The following IL17RA variants were observed in gnomAD, a reference collection of about 807,000 sequenced individuals.
The protein encoded by IL17RA is interleukin 17 receptor A.
In IL17RA, 34 loss-of-function variants were observed where a neutral mutation model predicts 50.4. The observed-to-expected ratio is 0.67, with a 90% CI of 0.51 to 0.90. IL17RA has a LOEUF of 0.90. IL17RA is among the 40% of genes least tolerant of loss of function. IL17RA has a pLI of 0.00. For synonymous variants in IL17RA, 585 were observed against 510.4 expected (o/e 1.15, Z -1.97); for missense variants, 1,276 against 1,169.8 (o/e 1.09, Z -1.32).
At chr22:17,105,714 C>G in intron 10 of IL17RA, 112 bp downstream of exon 10, 1 of 1,324,888 alleles carries the variant, frequency 7.5e-7, no homozygotes, top group South Asian at 1.2e-5. Flanking sequence ...CGAGGCCAGC[C>G]CGGGGTGGGG....
At position 17,108,571 on chromosome 22, in the gene IL17RA, C is replaced by T. The variant is rs770068978; in HGVS notation, c.1352C>T (p.Thr451Met). Reference sequence around the variant, plus strand: ...ATCATCGTCCTGTGCTCCCGCGGCACGCGCGCCAAGTGGCAGGCGCTCCTG... The same window carrying T: ...ATCATCGTCCTGTGCTCCCGCGGCATGCGCGCCAAGTGGCAGGCGCTCCTG... ...SKIIVLCSRG[T>M]RAKWQALLGR... The change falls in exon 13 of 13, where the codon ACG becomes ATG. Residue 451 changes from threonine to methionine, a missense_variant. Physicochemically the swap from Thr to Met is moderately conservative, Grantham distance 81 (BLOSUM62 -1). Transcript: ENST00000319363. 2.5e-6 allele frequency: 4 copies of T among 1,606,848 alleles called. No individual in the cohort carries two copies. In the South Asian group the frequency reaches 3.3e-5, roughly 13 times the overall value.
At chr22:17,098,229 A>G (rs1490778974) in intron 3 of IL17RA, among the ~76,000 whole-genome samples, 1 of 152,240 alleles carries the variant, frequency 6.6e-6, no homozygotes, top group Non-Finnish European at 1.5e-5. Context: ...TTTTGTGACT[A>G]CAGTACCAAA....
chr22:17,105,198 C>T (rs373036027), intron 9 of IL17RA, among the ~76,000 whole-genome samples: 1 of 152,180 alleles, frequency 6.6e-6, no homozygotes, highest in Non-Finnish European at 1.5e-5. Context: ...AGGATCCCCC[C>T]ACCCCAAACC....
At chr22:17,105,349 G>A (rs534617711) in intron 9 of IL17RA, among the ~76,000 whole-genome samples, 73 of 152,314 alleles carry the variant, frequency 4.8e-4, no homozygotes, top group African/African-American at 1.6e-3. Flanking sequence ...AAGGCAAGGC[G>A]CAGGCATGGA....
intron 11 of IL17RA, among the ~76,000 whole-genome samples, chr22:17,106,320 G>C (rs2061414615): frequency 6.6e-6 from 1 of 152,226 alleles, no homozygotes; most frequent in African/African-American, 2.4e-5. Context: ...CCTGGGGTCA[G>C]GGAGAATAGT....
chr22:17,100,372 C>T lies in IL17RA; in HGVS notation c.441C>T (p.Ser147=). Residue 147 remains serine (S), a synonymous_variant, in exon 5 of 13, where the codon AGC becomes AGT. Coordinates refer to ENST00000319363, the MANE Select transcript of IL17RA (RefSeq NM_014339.7). The part of the protein sequence containing the change: ...HHHRRWRFTF[S]HFVVDPDQEY... ...CTCTTCAGTGGCGTTTTACCTTCAG[C>T]CACTTTGTGGTTGACCCTGACCAGG... 2 of 1,614,128 alleles carry T rather than the reference C, an allele frequency of 1.2e-6. No individual in the cohort carries two copies. Among genetic ancestry groups the T allele is most frequent in the Non-Finnish European group, 1.7e-6 (2 of 1,180,012 alleles).
intron 2 of IL17RA, 95 bp downstream of exon 2, chr22:17,097,181 A>G (rs2061371415): frequency 9.0e-6 from 11 of 1,223,072 alleles, no homozygotes; most frequent in Non-Finnish European, 1.3e-5. Context: ...ATGCCACTCC[A>G]GGTTCAGGCT....
At chr22:17,096,566 T>C (rs1850034011) in intron 1 of IL17RA, among the ~76,000 whole-genome samples, 1 of 152,100 alleles carries the variant, frequency 6.6e-6, no homozygotes, top group African/African-American at 2.4e-5. Flanking sequence ...CTCATAGCAG[T>C]TCCTCATAAA....
chr22:17,108,910 G>T lies in IL17RA; in HGVS notation c.1691G>T (p.Gly564Val). Residue 564 changes from glycine (G) to valine (V), a missense_variant, in exon 13 of 13, where the codon GGC becomes GTC. Gly to Val is a moderately radical substitution (Grantham distance 109). Transcript: ENST00000319363. ...SGDNYLRSPG[G>V]RQLRAALDRF... is the part of the protein sequence containing the mutation. ...GACAACTACCTGCGGAGCCCGGGCG[G>T]CAGGCAGCTCCGCGCCGCCCTGGAC... The T allele has an allele frequency of 6.2e-7, 1 of 1,611,104 alleles. No homozygotes were observed. Among genetic ancestry groups the T allele is most frequent in the Non-Finnish European group, 8.5e-7 (1 of 1,179,228 alleles).
chr22:17,087,092 C>T (rs2061330868), intron 1 of IL17RA, among the ~76,000 whole-genome samples: 1 of 152,218 alleles, frequency 6.6e-6, no homozygotes, highest in Admixed American at 6.5e-5. Context: ...ACCTGCCTCA[C>T]AGACAGCTCT....
In IL17RA at chr22:17,109,077, C is replaced by T. The variant is rs772665587; in HGVS notation, c.1858C>T (p.Arg620Trp). ...LLPPGTGIVK[R>W]APLVREPGSQ... Reference sequence around the variant, plus strand: ...GCCTCCGGGAACCGGCATCGTGAAGCGGGCGCCCCTGGTGCGCGAGCCTGG... The same window carrying T: ...GCCTCCGGGAACCGGCATCGTGAAGTGGGCGCCCCTGGTGCGCGAGCCTGG... Residue 620 changes from arginine to tryptophan, a missense_variant, in exon 13 of 13, where the codon CGG becomes TGG. By Grantham distance (101) the Arg-to-Trp change is moderately radical. Coordinates refer to ENST00000319363, the MANE Select transcript of IL17RA (RefSeq NM_014339.7). 16 of 1,578,642 alleles carry T rather than the reference C, an allele frequency of 1.0e-5. No homozygotes were observed. Among genetic ancestry groups the T allele is most frequent in the African/African-American group, 4.0e-5 (3 of 74,838 alleles).
In IL17RA at chr22:17,109,953, G is replaced by A. The variant is rs1601351493; in HGVS notation, c.*133G>A. 6.5e-6 allele frequency: 6 copies of A among 919,612 alleles called. No individual in the cohort carries two copies. Among genetic ancestry groups the A allele is most frequent in the Non-Finnish European group, 9.7e-6 (6 of 616,798 alleles). The allele number at this position is 919,612 out of a possible 1,614,324, so 57.0% of individuals were successfully genotyped here. ...TGTAGGCTTTAAAATGTAAATGTCTGGATTTTAATCCCAGGCATCCCTCCT... is the reference window on the plus strand; with the variant it reads ...TGTAGGCTTTAAAATGTAAATGTCTAGATTTTAATCCCAGGCATCCCTCCT... On this transcript the variant is annotated 3_prime_UTR_variant, in exon 13 of 13. Transcript: ENST00000319363.
In IL17RA at chr22:17,109,555, A is replaced by C. The variant is rs756023403; in HGVS notation, c.2336A>C (p.His779Pro). The C allele has an allele frequency of 1.3e-5, 20 of 1,599,648 alleles. No homozygotes were observed. The South Asian group carries it at 2.2e-4, about 18-fold the overall frequency. ...SRPAMVLTDP[H>P]TPYEEEQRQS... ...CCCGCCATGGTCCTCACAGACCCACACACGCCCTACGAGGAGGAGCAGCGG... is the reference window on the plus strand; with the variant it reads ...CCCGCCATGGTCCTCACAGACCCACCCACGCCCTACGAGGAGGAGCAGCGG... Residue 779 changes from histidine to proline, a missense_variant, in exon 13 of 13, where the codon CAC (histidine) becomes CCC (proline). Physicochemically the swap from His to Pro is moderately conservative, Grantham distance 77. Transcript: ENST00000319363.
At chr22:17,092,688 C>T (rs1278940727) in intron 1 of IL17RA, among the ~76,000 whole-genome samples, 2 of 152,106 alleles carry the variant, frequency 1.3e-5, no homozygotes, top group East Asian at 3.9e-4. Flanking sequence ...TTTTTCCACA[C>T]TCTCGGGGAA....
intron 1 of IL17RA, among the ~76,000 whole-genome samples, chr22:17,094,667 C>A (rs2061359894): frequency 1.2e-4 from 3 of 25,104 alleles, no homozygotes; most frequent in South Asian, 1.0e-3. Flanking sequence ...CTCTCTCTCT[C>A]TCTCTCTCTC....
chr22:17,104,817 G>C lies in IL17RA; in HGVS notation c.931+7G>C. On this transcript the variant is annotated splice_region_variant and intron_variant, in intron 9 of 12. Coordinates refer to ENST00000319363, the MANE Select transcript of IL17RA (RefSeq NM_014339.7). ...GAAATGCCAGACACTCCAGGTAGGG[G>C]ACATGCGGCTGTCCTAGGCCATACT... 6.2e-7 allele frequency: 1 copy of C among 1,613,768 alleles called. No individual in the cohort carries two copies.
At chr22:17,107,597 C>A in intron 11 of IL17RA, 130 bp from the exon 12 acceptor site, 2 of 782,454 alleles carry the variant, frequency 2.6e-6, no homozygotes, top group Non-Finnish European at 4.6e-6. Flanking sequence ...CCTAGCACGG[C>A]CTCGCTGCTC....
At chr22:17,086,307 T>A (rs546290161) in intron 1 of IL17RA, among the ~76,000 whole-genome samples, 1 of 152,216 alleles carries the variant, frequency 6.6e-6, no homozygotes, top group East Asian at 1.9e-4. Context: ...AAAGGGATAT[T>A]TCTCCTTATG....
chr22:17,105,723 G>GC (rs1212303668), intron 10 of IL17RA, 121 bp downstream of exon 10: 7 of 1,377,484 alleles, frequency 5.1e-6, no homozygotes, highest in African/African-American at 3.1e-5. Flanking sequence ...CCCGGGGTGG[G>GC]GGGTGAGACC....
Sources: gnomAD v4.1 joint callset for allele counts (sites outside exome capture counted in the v4.1 genomes callset) on GRCh38, gnomAD v4.1.1 for gene constraint, MANE v1.5 for transcripts, NCBI Gene and HGNC (gene_info 2026-07-23, HGNC 2026-07-21) for gene names.